Variants in DNAAF19 observed in about 807,000 individuals in gnomAD.
DNAAF19 encodes the protein coiled-coil domain containing 103.
At chr17:44,901,550 AC>A in the DNAAF19 span, 29 of 1,614,132 alleles carry the variant, frequency 1.8e-5, no homozygotes, top group Non-Finnish European at 2.5e-5. Flanking sequence ...ATCTGAAGCC[AC>A]TGGAGCGGAA....
the DNAAF19 span, chr17:44,903,109 G>C: frequency 7.6e-7 from 1 of 1,323,674 alleles, no homozygotes; most frequent in South Asian, 2.4e-5. Context: ...CTTGAGAGAT[G>C]AGTGTGTGCC....
chr17:44,902,246 G>C, the DNAAF19 span: 1 of 1,380,726 alleles, frequency 7.2e-7, no homozygotes, highest in Non-Finnish European at 1.0e-6. Context: ...AGCTTTCCCA[G>C]TGCTCAGACA....
At chr17:44,904,509 C>A in the DNAAF19 span, 2 of 1,549,874 alleles carry the variant, frequency 1.3e-6, no homozygotes, top group Non-Finnish European at 1.7e-6. Context: ...CGGACCAAGG[C>A]CAGGGACCAC....
the DNAAF19 span, chr17:44,903,381 A>T: frequency 8.0e-7 from 1 of 1,248,240 alleles, no homozygotes; most frequent in Non-Finnish European, 1.0e-6. Flanking sequence ...AGCCTCCCGG[A>T]TGGCCAGATA....
At chr17:44,900,784 G>C in the DNAAF19 span, among the ~76,000 whole-genome samples, 2 of 152,188 alleles carry the variant, frequency 1.3e-5, no homozygotes, top group African/African-American at 4.8e-5. Context: ...TCTATTTTCA[G>C]GGACAAGTCT....
chr17:44,904,984 C>T, the DNAAF19 span: 53 of 1,550,736 alleles, frequency 3.4e-5, 1 homozygote, highest in South Asian at 4.8e-4. Flanking sequence ...TGATAGGCTA[C>T]CTGCTCATCA....
the DNAAF19 span, chr17:44,904,949 A>G: frequency 6.5e-7 from 1 of 1,550,272 alleles, no homozygotes; most frequent in Non-Finnish European, 8.7e-7. Context: ...AGATCCTGAG[A>G]CTCGCTCGGC....
At chr17:44,901,392 C>A in the DNAAF19 span, 23 of 1,178,876 alleles carry the variant, frequency 2.0e-5, no homozygotes, top group Non-Finnish European at 2.8e-5. Context: ...AGTCAGCTAT[C>A]GCTGTTGTTA....
the DNAAF19 span, chr17:44,901,730 G>T: frequency 4.6e-6 from 7 of 1,523,570 alleles, no homozygotes; most frequent in Non-Finnish European, 3.6e-6. Flanking sequence ...ATTTTGTTTT[G>T]TTTTGTTTTG....
the DNAAF19 span, chr17:44,903,764 A>G: frequency 6.8e-7 from 1 of 1,477,500 alleles, no homozygotes; most frequent in East Asian, 2.5e-5. Context: ...AGAGCTTTCT[A>G]GGAGCCCTAT....
the DNAAF19 span, among the ~76,000 whole-genome samples, chr17:44,900,015 G>C: frequency 2.6e-5 from 4 of 152,040 alleles, no homozygotes; most frequent in African/African-American, 9.7e-5. Context: ...CTTGCGCTAG[G>C]GCTGTTGGTG....
the DNAAF19 span, chr17:44,900,843 AC>A: frequency 1.4e-5 from 10 of 693,124 alleles, no homozygotes; most frequent in Non-Finnish European, 2.0e-5. Context: ...AAAATAGAAA[AC>A]CAGATTTTTG....
the DNAAF19 span, chr17:44,903,623 T>A: frequency 7.0e-7 from 1 of 1,429,864 alleles, no homozygotes; most frequent in Admixed American, 2.9e-5. Context: ...AGATCAGGTC[T>A]GGAATGTTAG....
the DNAAF19 span, chr17:44,903,794 T>G: frequency 6.6e-7 from 1 of 1,525,332 alleles, no homozygotes; most frequent in Non-Finnish European, 8.8e-7. Context: ...ATGCCCTGGT[T>G]TTGCCCTGCC....
chr17:44,903,827 G>A, the DNAAF19 span: 1 of 1,549,078 alleles, frequency 6.5e-7, no homozygotes, highest in Non-Finnish European at 8.7e-7. Context: ...GCCTCCTTCA[G>A]GTATGCACCT....
chr17:44,901,611 C>G, the DNAAF19 span: 1 of 1,614,202 alleles, frequency 6.2e-7, no homozygotes, highest in East Asian at 2.2e-5. Context: ...TCACACTATT[C>G]AGGGAAGGAC....
chr17:44,901,523 T>A, the DNAAF19 span: 1 of 1,614,084 alleles, frequency 6.2e-7, no homozygotes, highest in Admixed American at 1.7e-5. Flanking sequence ...CCTACAGGGG[T>A]ATTGTCCTTG....
chr17:44,900,999 A>G, the DNAAF19 span: 2 of 1,602,614 alleles, frequency 1.2e-6, no homozygotes, highest in Non-Finnish European at 1.7e-6. Flanking sequence ...GGCACAGGCC[A>G]TGGAAAGGAA....
the DNAAF19 span, chr17:44,904,355 A>AC: frequency 1.3e-6 from 2 of 1,542,298 alleles, no homozygotes; most frequent in African/African-American, 1.4e-5. Context: ...CTGGGAATGG[A>AC]CCCCCTGTGA....
Sources: allele counts gnomAD v4.1 joint callset (sites outside exome capture counted in the v4.1 genomes callset), GRCh38; gene constraint gnomAD v4.1.1; transcripts MANE v1.5; gene names NCBI Gene and HGNC (gene_info 2026-07-23, HGNC 2026-07-21).